The following PDE4B variants were observed in gnomAD, a reference collection of about 807,000 sequenced individuals.
PDE4B encodes the protein 3',5'-cyclic-AMP phosphodiesterase 4B.
PDE4B carries 20 observed loss-of-function variants against 82.2 expected under a neutral mutation model. The ratio of observed to expected loss-of-function variants is 0.24; its 90% CI spans 0.17 to 0.35. PDE4B has a LOEUF of 0.35. Ranked by LOEUF, PDE4B falls within the 10% of genes least tolerant of loss-of-function variation. The pLI, the probability that PDE4B is intolerant of heterozygous loss-of-function variation, is 1.00. For synonymous variants in PDE4B, 320 were observed against 318.9 expected (o/e 1.00, Z -0.04); for missense variants, 655 against 907.2 (o/e 0.72, Z 3.57).
chr1:65,889,252 T>G (rs151095393), intron 1 of PDE4B, among the ~76,000 whole-genome samples: 5 of 152,318 alleles, frequency 3.3e-5, no homozygotes, highest in Non-Finnish European at 7.4e-5. Flanking sequence ...TTTGCATATA[T>G]TGAATCATCT....
chr1:65,985,079 CTA>C (rs1338744229), intron 3 of PDE4B, among the ~76,000 whole-genome samples: 1 of 151,994 alleles, frequency 6.6e-6, no homozygotes, highest in Non-Finnish European at 1.5e-5. Flanking sequence ...AATAAACAGA[CTA>C]TGTAGTGAAA....
chr1:65,804,447 A>G (rs752092368), intron 1 of PDE4B, among the ~76,000 whole-genome samples: 1 of 152,212 alleles, frequency 6.6e-6, no homozygotes, highest in Non-Finnish European at 1.5e-5. Flanking sequence ...ACCCCAAGTC[A>G]TTAGAAAGTC....
chr1:65,868,586 G>A (rs555881505), intron 1 of PDE4B, among the ~76,000 whole-genome samples: 1 of 152,286 alleles, frequency 6.6e-6, no homozygotes, highest in East Asian at 1.9e-4. Flanking sequence ...CTATGTGAGA[G>A]GGACTCTGCT....
At chr1:65,965,115 C>T (rs1488297430) in intron 3 of PDE4B, among the ~76,000 whole-genome samples, 1 of 151,812 alleles carries the variant, frequency 6.6e-6, no homozygotes, top group Non-Finnish European at 1.5e-5. Context: ...GTGTAGGGTC[C>T]TGTAATTCAT....
chr1:66,285,590 G>T (rs1313806838), intron 7 of PDE4B, among the ~76,000 whole-genome samples: 1 of 152,036 alleles, frequency 6.6e-6, no homozygotes, highest in Non-Finnish European at 1.5e-5. Context: ...GTGAAAACAT[G>T]CAGTATTTGA....
intron 3 of PDE4B, among the ~76,000 whole-genome samples, chr1:66,163,739 G>C (rs761089330): frequency 3.9e-5 from 6 of 152,186 alleles, no homozygotes; most frequent in Admixed American, 6.5e-5. Flanking sequence ...AAAAATTAGT[G>C]AAATAAAATA....
rs192528746 is a variant in PDE4B at position 65,808,855 on chromosome 1, T to A, written c.-71+15607T>A. On this transcript the variant is annotated intron_variant, in intron 1 of 16. Coordinates refer to ENST00000341517, the MANE Select transcript of PDE4B (RefSeq NM_002600.4). ...TTAGAGGGACATATAATCAGTTGAA[T>A]GCTTCTAGTACATGATTGTTGTTAT... is the stretch of plus-strand genomic sequence containing the variant. 1.0e-3 allele frequency among the ~76,000 whole-genome samples: 158 copies of A among 152,364 alleles called. 1 individual carries two copies. Among genetic ancestry groups the A allele is most frequent in the Non-Finnish European group, 1.3e-4 (9 of 68,034 alleles).
intron 9 of PDE4B, chr1:66,360,664 T>A (rs1290328529): frequency 6.6e-6 from 1 of 152,242 alleles, no homozygotes; most frequent in Non-Finnish European, 1.5e-5. Flanking sequence ...CCCTGTGGCC[T>A]GAAAGAGTTA....
At chr1:66,157,343 C>G (rs2101232111) in intron 3 of PDE4B, among the ~76,000 whole-genome samples, 1 of 152,324 alleles carries the variant, frequency 6.6e-6, no homozygotes, top group East Asian at 1.9e-4. Context: ...TTCTTCACTT[C>G]CTTTCTAGCT....
chr1:65,829,062 A>G (rs1174159945), intron 1 of PDE4B, among the ~76,000 whole-genome samples: 1 of 151,166 alleles, frequency 6.6e-6, no homozygotes, highest in African/African-American at 2.4e-5. Context: ...TGTACGAACA[A>G]CAACAACAAA....
chr1:65,969,371 T>G (rs1650012660), intron 3 of PDE4B, among the ~76,000 whole-genome samples: 1 of 152,116 alleles, frequency 6.6e-6, no homozygotes, highest in Non-Finnish European at 1.5e-5. Flanking sequence ...GCTCCATATT[T>G]TCACAGAGGG....
intron 7 of PDE4B, among the ~76,000 whole-genome samples, chr1:66,313,440 G>A (rs74084687): frequency 2.3e-3 from 350 of 152,250 alleles, no homozygotes; most frequent in African/African-American, 7.9e-3. Context: ...TGGAGGGAAT[G>A]GCTCTTTTCT....
chr1:66,331,615 T>C (rs947299141), intron 7 of PDE4B: 8 of 264,488 alleles, frequency 3.0e-5, no homozygotes, highest in South Asian at 1.4e-4. Context: ...TCTAGAGTCT[T>C]AGGGCAACAA....
At chr1:66,096,635 A>G (rs568833963) in intron 3 of PDE4B, among the ~76,000 whole-genome samples, 2 of 149,786 alleles carry the variant, frequency 1.3e-5, no homozygotes, top group Admixed American at 6.7e-5. Context: ...TCAAGTAAGT[A>G]TATTTAAATT....
chr1:66,082,116 A>T (rs1656772952), intron 3 of PDE4B, among the ~76,000 whole-genome samples: 1 of 152,024 alleles, frequency 6.6e-6, no homozygotes, highest in Non-Finnish European at 1.5e-5. Context: ...ATATGATAGC[A>T]TTCACTCCCA....
intron 3 of PDE4B, among the ~76,000 whole-genome samples, chr1:66,061,506 A>G (rs1326980975): frequency 6.6e-6 from 1 of 152,038 alleles, no homozygotes; most frequent in Non-Finnish European, 1.5e-5. Context: ...ATCGAATCAT[A>G]AAGTCTCTAA....
chr1:66,073,541 C>T (rs1656270028), intron 3 of PDE4B, among the ~76,000 whole-genome samples: 1 of 152,086 alleles, frequency 6.6e-6, no homozygotes, highest in African/African-American at 2.4e-5. Context: ...CCCTCCTCCA[C>T]TCTCTCTTGT....
intron 1 of PDE4B, among the ~76,000 whole-genome samples, chr1:65,864,067 C>G (rs1646483593): frequency 6.6e-6 from 1 of 151,858 alleles, no homozygotes; most frequent in Non-Finnish European, 1.5e-5. Flanking sequence ...CCCTTTCATT[C>G]TTTTTACTGT....
At chr1:66,048,701 A>C (rs966356094) in intron 3 of PDE4B, 4 of 151,924 alleles carry the variant, frequency 2.6e-5, no homozygotes, top group Admixed American at 6.6e-5. Context: ...GCTGGAATAG[A>C]GTCTTCTGAT....
Sources: allele counts gnomAD v4.1 joint callset (sites outside exome capture counted in the v4.1 genomes callset), GRCh38; gene constraint gnomAD v4.1.1; transcripts MANE v1.5; gene names NCBI Gene and HGNC (gene_info 2026-07-23, HGNC 2026-07-21).